The following GAS7 variants were observed in gnomAD, a reference collection of about 807,000 sequenced individuals.
GAS7 encodes growth arrest specific 7, also known as growth arrest-specific protein 7.
GAS7 carries 28 observed loss-of-function variants against 71.1 expected under a neutral mutation model. The observed-to-expected ratio is 0.39, with a 90% CI of 0.29 to 0.54. The LOEUF is 0.54. GAS7 is among the 20% of genes least tolerant of loss of function. The probability of loss-of-function intolerance (pLI) is 0.62; values close to 1 mark genes in which losing one functional copy is unlikely to be tolerated. For missense variants in GAS7, 436 were observed against 627.8 expected (o/e 0.69, Z 3.27); for synonymous variants, 258 against 245.8 (o/e 1.05, Z -0.46).
intron 1 of GAS7, among the ~76,000 whole-genome samples, chr17:10,182,735 G>A (rs1018110794): frequency 1.3e-5 from 2 of 152,184 alleles, no homozygotes; most frequent in African/African-American, 4.8e-5. Flanking sequence ...GCCACCATCT[G>A]CAGTGTACAG....
intron 1 of GAS7, among the ~76,000 whole-genome samples, chr17:10,107,650 A>G (rs1436925781): frequency 6.8e-6 from 1 of 147,348 alleles, no homozygotes; most frequent in African/African-American, 2.5e-5. Context: ...GAACCGCCTT[A>G]CACAGTCCAG....
At chr17:10,023,672 C>T (rs933869178) in intron 1 of GAS7, among the ~76,000 whole-genome samples, 2 of 152,200 alleles carry the variant, frequency 1.3e-5, no homozygotes, top group African/African-American at 4.8e-5. Flanking sequence ...TTTGTCTTTT[C>T]CAGAGGCCTG....
chr17:9,962,096 T>C (rs958903834), intron 4 of GAS7, among the ~76,000 whole-genome samples: 2 of 152,218 alleles, frequency 1.3e-5, no homozygotes, highest in Non-Finnish European at 2.9e-5. Flanking sequence ...TGTCAGCACC[T>C]TCCCTGGTCT....
At chr17:10,010,307 C>G (rs979301109) in intron 2 of GAS7, among the ~76,000 whole-genome samples, 2 of 152,048 alleles carry the variant, frequency 1.3e-5, no homozygotes, top group Non-Finnish European at 2.9e-5. Context: ...CCCGCCACCA[C>G]GCCGGGCTAA....
intron 1 of GAS7, among the ~76,000 whole-genome samples, chr17:10,071,224 G>A (rs1377812404): frequency 1.3e-5 from 2 of 152,080 alleles, no homozygotes; most frequent in African/African-American, 2.4e-5. Flanking sequence ...ACAGAGCTGT[G>A]TTTGAGTCCC....
At chr17:10,112,448 G>T (rs113411884) in intron 1 of GAS7, among the ~76,000 whole-genome samples, 2 of 152,226 alleles carry the variant, frequency 1.3e-5, no homozygotes, top group African/African-American at 4.8e-5. Flanking sequence ...GTAGAAAATG[G>T]AGTCTAGCCG....
chr17:9,982,903 T>C (rs1421721772), intron 2 of GAS7, among the ~76,000 whole-genome samples: 1 of 151,820 alleles, frequency 6.6e-6, no homozygotes, highest in Non-Finnish European at 1.5e-5. Context: ...AAACTAATAC[T>C]GCAAGCTATA....
At chr17:10,005,144 CGCATGCATGCATGTGTGT>C (rs2071441389) in intron 2 of GAS7, among the ~76,000 whole-genome samples, 2 of 38,204 alleles carry the variant, frequency 5.2e-5, no homozygotes, top group Non-Finnish European at 1.3e-4. Context: ...TGTGCGCGCA[CGCATGCATGCATGTGTGT>C]GCGCACGCAT....
chr17:9,994,248 G>C (rs1306742723), intron 2 of GAS7, among the ~76,000 whole-genome samples: 2 of 150,350 alleles, frequency 1.3e-5, no homozygotes, highest in Non-Finnish European at 3.0e-5. Context: ...AAAGAACAAA[G>C]CTGGAGGCAT....
intron 1 of GAS7, among the ~76,000 whole-genome samples, chr17:10,127,710 G>A (rs913783354): frequency 1.3e-5 from 2 of 152,210 alleles, no homozygotes; most frequent in South Asian, 4.1e-4. Context: ...CCCCCTCCAA[G>A]GTGTGAACCG....
chr17:10,005,257 A>G (rs1008864882), intron 2 of GAS7, among the ~76,000 whole-genome samples: 24 of 150,282 alleles, frequency 1.6e-4, no homozygotes, highest in African/African-American at 5.5e-4. Flanking sequence ...ATGTGTGTGC[A>G]CACATACATG....
At chr17:10,030,131 C>T (rs1487521641) in intron 1 of GAS7, among the ~76,000 whole-genome samples, 1 of 152,184 alleles carries the variant, frequency 6.6e-6, no homozygotes, top group Non-Finnish European at 1.5e-5. Flanking sequence ...AGGAACACAA[C>T]AGAGGGAAGG....
chr17:9,941,743 T>C (rs2068610001), intron 7 of GAS7, among the ~76,000 whole-genome samples: 1 of 152,248 alleles, frequency 6.6e-6, no homozygotes, highest in South Asian at 2.1e-4. Flanking sequence ...ATACCATTGT[T>C]TTCTCAAACC....
chr17:10,069,721 T>C (rs1414070441), intron 1 of GAS7, among the ~76,000 whole-genome samples: 2 of 152,230 alleles, frequency 1.3e-5, no homozygotes. Flanking sequence ...ATTTTCAGCA[T>C]ACTCTCATAC....
chr17:10,015,960 A>G (rs1305535229), intron 2 of GAS7, among the ~76,000 whole-genome samples: 1 of 152,132 alleles, frequency 6.6e-6, no homozygotes, highest in Non-Finnish European at 1.5e-5. Context: ...TGTTCCCACT[A>G]TAAGAAGATA....
chr17:10,046,735 C>CA lies in GAS7; in HGVS notation c.184-26839dup, dbSNP rs1178498141. Among the ~76,000 whole-genome samples the CA allele has an allele frequency of 8.1e-3, 195 of 24,216 alleles. 4 individuals are homozygous for CA. Among genetic ancestry groups the CA allele is most frequent in the African/African-American group, 0.032 (144 of 4,568 alleles). 15.9% of individuals were successfully genotyped at this position (24,216 alleles called of 152,430 possible). A position where few individuals can be genotyped will look rare whatever the true frequency, so the allele number is the denominator to read the frequency against. On this transcript the variant is annotated intron_variant, in intron 1 of 13. Coordinates refer to ENST00000432992, the MANE Select transcript of GAS7 (RefSeq NM_201433.2). ...TGGGTGACAGAGCAAGACTCTGTCT[C>CA]AAAAAAAAAAAAAGAAAAGAAAAGA...
intron 2 of GAS7, among the ~76,000 whole-genome samples, chr17:10,008,477 C>T (rs1286595318): frequency 6.6e-6 from 1 of 152,230 alleles, no homozygotes; most frequent in Non-Finnish European, 1.5e-5. Context: ...TGTCTTTTTA[C>T]TTGTGTGGGT....
At chr17:9,917,397 G>A (rs1567765647) in intron 13 of GAS7, 56 bp from the exon 14 acceptor site, 2 of 1,231,416 alleles carry the variant, frequency 1.6e-6, no homozygotes, top group East Asian at 4.7e-5. Context: ...AGCCAGGGAG[G>A]TCTCCTCTGA....
intron 11 of GAS7, among the ~76,000 whole-genome samples, chr17:9,922,191 GAT>G (rs2067842252): frequency 2.3e-5 from 2 of 88,288 alleles, no homozygotes; most frequent in Admixed American, 1.1e-4. Context: ...CTATGGTGGT[GAT>G]GAAGATGATG....
Sources: allele counts gnomAD v4.1 joint callset (sites outside exome capture counted in the v4.1 genomes callset), GRCh38; gene constraint gnomAD v4.1.1; transcripts MANE v1.5; gene names NCBI Gene and HGNC (gene_info 2026-07-23, HGNC 2026-07-21).